The following UBE2E2 variants were observed in gnomAD, a reference collection of about 807,000 sequenced individuals.
The protein encoded by UBE2E2 is ubiquitin-conjugating enzyme E2 E2.
Under a neutral mutation model 24.7 loss-of-function variants are expected in UBE2E2, and 6 were observed. The observed-to-expected ratio is 0.24, with a 90% CI of 0.13 to 0.48. The LOEUF (loss-of-function observed/expected upper bound fraction) is 0.48, where lower values mean the gene tolerates loss of function less well. Among genes scored for constraint, UBE2E2 ranks in the 20% least tolerant of loss-of-function variants. The pLI is 0.99. For synonymous variants in UBE2E2, 104 were observed against 83.6 expected (o/e 1.24, Z -1.33); for missense variants, 169 against 245.0 (o/e 0.69, Z 2.07).
chr3:23,568,550 T>C (rs1285816537), intron 5 of UBE2E2, among the ~76,000 whole-genome samples: 1 of 150,688 alleles, frequency 6.6e-6, no homozygotes, highest in Admixed American at 6.7e-5. Context: ...TTTCTCTGGC[T>C]GGCAGAAACA....
At chr3:23,494,421 T>C (rs1474210784) in intron 3 of UBE2E2, among the ~76,000 whole-genome samples, 1 of 152,208 alleles carries the variant, frequency 6.6e-6, no homozygotes, top group Non-Finnish European at 1.5e-5. Flanking sequence ...TAATGAGCTA[T>C]TTTACTTTCT....
chr3:23,237,220 T>A (rs1446321574), intron 3 of UBE2E2, among the ~76,000 whole-genome samples: 1 of 152,206 alleles, frequency 6.6e-6, no homozygotes, highest in Non-Finnish European at 1.5e-5. Context: ...GTTGATGCTG[T>A]TGTTGCTGTT....
chr3:23,584,513 G>T (rs1429358697), intron 5 of UBE2E2, among the ~76,000 whole-genome samples: 2 of 151,326 alleles, frequency 1.3e-5, no homozygotes, highest in African/African-American at 2.4e-5. Context: ...ACATACCACA[G>T]ATCTCAAAAA....
chr3:23,535,743 C>G (rs1284939773), intron 5 of UBE2E2, among the ~76,000 whole-genome samples: 1 of 151,726 alleles, frequency 6.6e-6, no homozygotes, highest in Non-Finnish European at 1.5e-5. Context: ...CTGCCTCAGC[C>G]TCCCGAGTAG....
intron 3 of UBE2E2, among the ~76,000 whole-genome samples, chr3:23,369,936 A>T (rs1382805887): frequency 1.3e-5 from 2 of 152,162 alleles, no homozygotes; most frequent in African/African-American, 4.8e-5. Context: ...AATTTTTTAA[A>T]AGTTGTCAGA....
At chr3:23,393,155 T>C (rs1696981512) in intron 3 of UBE2E2, among the ~76,000 whole-genome samples, 1 of 150,876 alleles carries the variant, frequency 6.6e-6, no homozygotes, top group African/African-American at 2.4e-5. Flanking sequence ...AGGTAAAAGA[T>C]GATAGCTTGG....
intron 3 of UBE2E2, among the ~76,000 whole-genome samples, chr3:23,295,001 T>C (rs994154997): frequency 1.3e-5 from 2 of 152,160 alleles, no homozygotes; most frequent in Non-Finnish European, 2.9e-5. Flanking sequence ...CTACTTCCTC[T>C]TGTCTTTTTC....
chr3:23,368,050 G>A (rs1444488934), intron 3 of UBE2E2, among the ~76,000 whole-genome samples: 1 of 152,134 alleles, frequency 6.6e-6, no homozygotes, highest in African/African-American at 2.4e-5. Flanking sequence ...AATTTTGTAA[G>A]TGGTCATTTA....
intron 3 of UBE2E2, among the ~76,000 whole-genome samples, chr3:23,320,673 G>A (rs1201165577): frequency 2.0e-5 from 3 of 152,194 alleles, no homozygotes; most frequent in Non-Finnish European, 4.4e-5. Flanking sequence ...TTGTAGCACA[G>A]AACATCCCTC....
At chr3:23,279,838 T>C (rs1432406292) in intron 3 of UBE2E2, among the ~76,000 whole-genome samples, 1 of 152,182 alleles carries the variant, frequency 6.6e-6, no homozygotes, top group African/African-American at 2.4e-5. Context: ...ACAAACCTTA[T>C]AGTAGTTAAC....
intron 3 of UBE2E2, among the ~76,000 whole-genome samples, chr3:23,302,051 C>T (rs370336427): frequency 6.6e-6 from 1 of 152,122 alleles, no homozygotes; most frequent in Non-Finnish European, 1.5e-5. Flanking sequence ...CCTTTTATTT[C>T]TCCTTGTCAG....
intron 3 of UBE2E2, among the ~76,000 whole-genome samples, chr3:23,371,633 C>G (rs2125340843): frequency 6.6e-6 from 1 of 152,104 alleles, no homozygotes; most frequent in South Asian, 2.1e-4. Context: ...GAGGGAGACT[C>G]ACTAAGCCAG....
intron 4 of UBE2E2, among the ~76,000 whole-genome samples, chr3:23,525,719 C>G (rs77582393): frequency 6.6e-6 from 1 of 152,158 alleles, no homozygotes; most frequent in Non-Finnish European, 1.5e-5. Context: ...GCTTTATGGT[C>G]ATTTTTTATC....
intron 3 of UBE2E2, among the ~76,000 whole-genome samples, chr3:23,355,905 C>G (rs370053685): frequency 1.3e-5 from 2 of 152,178 alleles, no homozygotes; most frequent in East Asian, 1.9e-4. Flanking sequence ...ATATCTCTTA[C>G]GTAAATCATC....
chr3:23,373,462 G>A (rs555836634), intron 3 of UBE2E2, among the ~76,000 whole-genome samples: 1 of 152,148 alleles, frequency 6.6e-6, no homozygotes, highest in South Asian at 2.1e-4. Flanking sequence ...TTCATCTCCA[G>A]GTGCCAAAGA....
At chr3:23,276,753 G>T (rs989489571) in intron 3 of UBE2E2, among the ~76,000 whole-genome samples, 8 of 151,910 alleles carry the variant, frequency 5.3e-5, no homozygotes, top group African/African-American at 1.9e-4. Context: ...GATATTTCAG[G>T]ATACTATTTT....
intron 3 of UBE2E2, among the ~76,000 whole-genome samples, chr3:23,450,344 C>T (rs912482100): frequency 3.9e-5 from 6 of 152,220 alleles, no homozygotes. Context: ...GAGTCCTTGA[C>T]GTGTGGTTCT....
intron 3 of UBE2E2, among the ~76,000 whole-genome samples, chr3:23,430,412 G>A (rs1698032113): frequency 6.6e-6 from 1 of 151,932 alleles, no homozygotes; most frequent in Non-Finnish European, 1.5e-5. Context: ...ACCTCATAGG[G>A]CTGTTACAAG....
At chr3:23,420,719 GT>G (rs893872435) in intron 3 of UBE2E2, among the ~76,000 whole-genome samples, 1 of 151,742 alleles carries the variant, frequency 6.6e-6, no homozygotes, top group Non-Finnish European at 1.5e-5. Context: ...ATCATGATAT[GT>G]TTTTTTTGCA....
Sources: allele counts gnomAD v4.1 joint callset (sites outside exome capture counted in the v4.1 genomes callset), GRCh38; gene constraint gnomAD v4.1.1; transcripts MANE v1.5; gene names NCBI Gene and HGNC (gene_info 2026-07-23, HGNC 2026-07-21).